The following IL1RAPL2 variants were observed in gnomAD, a reference collection of about 807,000 sequenced individuals.
The protein encoded by IL1RAPL2 is interleukin 1 receptor accessory protein like 2, also known as X-linked interleukin-1 receptor accessory protein-like 2.
A neutral mutation model predicts 44.1 loss-of-function variants in IL1RAPL2; 3 were observed. The ratio of observed to expected loss-of-function variants is 0.07; its 90% CI spans 0.03 to 0.18. IL1RAPL2 has a LOEUF of 0.18. Ranked by LOEUF, IL1RAPL2 falls within the 10% of genes least tolerant of loss-of-function variation. IL1RAPL2 has a pLI of 1.00. For synonymous variants in IL1RAPL2, 181 were observed against 178.8 expected (o/e 1.01, Z -0.10); for missense variants, 391 against 496.4 (o/e 0.79, Z 2.02).
chrX:104,929,021 T>A (rs1924837996), intron 2 of IL1RAPL2, among the ~76,000 whole-genome samples: 1 of 111,866 alleles, frequency 8.9e-6, no homozygotes, highest in African/African-American at 3.3e-5. Context: ...AAAAGATAAT[T>A]TGTTCTTAAA....
intron 1 of IL1RAPL2, among the ~76,000 whole-genome samples, chrX:104,656,706 C>T (rs1348467729): frequency 9.0e-6 from 1 of 111,562 alleles, no homozygotes; most frequent in Non-Finnish European, 1.9e-5. Flanking sequence ...TGGTGCAGAG[C>T]TGAGTTCAAA....
At chrX:105,593,645 G>A (rs979044216) in intron 6 of IL1RAPL2, among the ~76,000 whole-genome samples, 1 of 111,140 alleles carries the variant, frequency 9.0e-6, no homozygotes, top group African/African-American at 3.3e-5. Context: ...TATAAGGTGG[G>A]TTCATTTGAC....
At chrX:105,164,582 T>C (rs1174584754) in intron 2 of IL1RAPL2, among the ~76,000 whole-genome samples, 1 of 112,515 alleles carries the variant, frequency 8.9e-6, no homozygotes, top group Non-Finnish European at 1.9e-5. Flanking sequence ...TCTTAAGTTA[T>C]TGCAATGGTT....
intron 1 of IL1RAPL2, chrX:104,647,293 G>A (rs781123085): frequency 3.1e-5 from 13 of 423,762 alleles, no homozygotes; most frequent in African/African-American, 4.9e-5. Context: ...CGCTCAGCTC[G>A]ATCAGGCCGT....
In IL1RAPL2 at chrX:105,619,029, T is replaced by A. The variant is rs766008229; in HGVS notation, c.773-98338T>A. 3.6e-5 allele frequency among the ~76,000 whole-genome samples: 4 copies of A among 110,908 alleles called. No individual in the cohort carries two copies. In the South Asian group the frequency reaches 1.5e-3, roughly 42 times the overall value. On this transcript the variant is annotated intron_variant, in intron 6 of 10. Coordinates refer to ENST00000372582, the MANE Select transcript of IL1RAPL2 (RefSeq NM_017416.2). ...ATAATTTTCTCTTTACCCTCTAGAG[T>A]TCTTAGTCGGGACAGACTCCTGTAA...
chrX:104,597,044 A>G (rs1217798721), intron 1 of IL1RAPL2, among the ~76,000 whole-genome samples: 5 of 111,236 alleles, frequency 4.5e-5, no homozygotes, highest in African/African-American at 1.6e-4. Context: ...TGCTGAAAAG[A>G]GACATGATAG....
chrX:105,258,202 G>A (rs748343188), intron 4 of IL1RAPL2, among the ~76,000 whole-genome samples: 1 of 111,690 alleles, frequency 9.0e-6, no homozygotes, highest in South Asian at 3.7e-4. Flanking sequence ...TCATTTGGTT[G>A]GGTATGAAAT....
intron 2 of IL1RAPL2, among the ~76,000 whole-genome samples, chrX:104,707,308 C>G (rs756300409): frequency 2.4e-4 from 27 of 111,590 alleles, no homozygotes; most frequent in African/African-American, 8.8e-4. Flanking sequence ...GTACTTCACA[C>G]TTATGATCAA....
intron 2 of IL1RAPL2, among the ~76,000 whole-genome samples, chrX:104,826,325 T>C (rs898872340): frequency 9.0e-6 from 1 of 111,728 alleles, no homozygotes; most frequent in African/African-American, 3.3e-5. Flanking sequence ...TTTGTTCTCA[T>C]TGGTTTCAAA....
chrX:104,904,127 T>C (rs1923900334), intron 2 of IL1RAPL2, among the ~76,000 whole-genome samples: 1 of 110,094 alleles, frequency 9.1e-6, no homozygotes, highest in Non-Finnish European at 1.9e-5. Context: ...TATTTGTATA[T>C]TGTAGTATCA....
chrX:104,675,064 A>G (rs1171440955), intron 2 of IL1RAPL2, among the ~76,000 whole-genome samples: 2 of 110,632 alleles, frequency 1.8e-5, no homozygotes, highest in Non-Finnish European at 3.8e-5. Flanking sequence ...TGGATTCATT[A>G]ATTTTTTGAA....
At chrX:105,612,780 A>T (rs545900358) in intron 6 of IL1RAPL2, among the ~76,000 whole-genome samples, 1 of 111,947 alleles carries the variant, frequency 8.9e-6, no homozygotes. Flanking sequence ...ATGCCCTCCC[A>T]TGGAGGGAAC....
At chrX:105,255,693 G>T (rs547338795) in intron 4 of IL1RAPL2, among the ~76,000 whole-genome samples, 2 of 111,719 alleles carry the variant, frequency 1.8e-5, no homozygotes, top group South Asian at 7.5e-4. Context: ...ATACTACATT[G>T]AATAGGAGTG....
At chrX:105,149,498 G>A (rs1325137489) in intron 2 of IL1RAPL2, among the ~76,000 whole-genome samples, 1 of 111,357 alleles carries the variant, frequency 9.0e-6, no homozygotes, top group Non-Finnish European at 1.9e-5. Context: ...ATGATGTTGT[G>A]GAGATCAAAT....
chrX:105,059,519 CTTTTCTTTCTTTT>C (rs2032043792), intron 2 of IL1RAPL2, among the ~76,000 whole-genome samples: 3 of 111,828 alleles, frequency 2.7e-5, no homozygotes, highest in South Asian at 3.7e-4. Flanking sequence ...GCCAAATTTT[CTTTTCTTTCTTTT>C]TTTTCTTTCT....
At chrX:105,684,642 T>C (rs758316826) in intron 6 of IL1RAPL2, among the ~76,000 whole-genome samples, 1 of 112,344 alleles carries the variant, frequency 8.9e-6, no homozygotes, top group South Asian at 3.7e-4. Context: ...TCTGCAGACT[T>C]AAACATCCCT....
chrX:104,838,852 T>C (rs1176331388), intron 2 of IL1RAPL2, among the ~76,000 whole-genome samples: 2 of 83,532 alleles, frequency 2.4e-5, no homozygotes, highest in Admixed American at 1.3e-4. Context: ...TCTTTCTTTT[T>C]TTTTTTTTTT....
Position 105,207,327 on chromosome X carries a change from C to T in IL1RAPL2, c.356+11579C>T, listed in dbSNP as rs140919536. Among the ~76,000 whole-genome samples the T allele has an allele frequency of 7.6e-3, 843 of 111,474 alleles. 4 individuals are homozygous for T. Among genetic ancestry groups the T allele is most frequent in the Non-Finnish European group, 0.012 (618 of 53,038 alleles). On this transcript the variant is annotated intron_variant, in intron 3 of 10. Coordinates refer to ENST00000372582, the MANE Select transcript of IL1RAPL2 (RefSeq NM_017416.2). Reference sequence around the variant, plus strand: ...ACAAATCACAATCAAACAAGCATAACTCCCATGTGGTTCATCATTAAATTG... The same window carrying T: ...ACAAATCACAATCAAACAAGCATAATTCCCATGTGGTTCATCATTAAATTG...
chrX:104,573,835 A>G (rs1208727271), intron 1 of IL1RAPL2, among the ~76,000 whole-genome samples: 1 of 112,032 alleles, frequency 8.9e-6, no homozygotes, highest in East Asian at 2.8e-4. Context: ...AAGAAATGAC[A>G]AAGATTTCAA....
Sources: gnomAD v4.1 joint callset for allele counts (sites outside exome capture counted in the v4.1 genomes callset) on GRCh38, gnomAD v4.1.1 for gene constraint, MANE v1.5 for transcripts, NCBI Gene and HGNC (gene_info 2026-07-23, HGNC 2026-07-21) for gene names.